The following MBNL2 variants were observed in gnomAD, a reference collection of about 807,000 sequenced individuals.
The protein encoded by MBNL2 is muscleblind like splicing regulator 2.
A neutral mutation model predicts 41.9 loss-of-function variants in MBNL2; 17 were observed. The ratio of observed to expected loss-of-function variants is 0.41; its 90% CI spans 0.28 to 0.61. The LOEUF is 0.61. Among genes scored for constraint, MBNL2 ranks in the 20% least tolerant of loss-of-function variants. The pLI is 0.35. For missense variants in MBNL2, 336 were observed against 505.6 expected (o/e 0.66, Z 3.22); for synonymous variants, 195 against 182.9 (o/e 1.07, Z -0.53).
chr13:97,314,920 T>C (rs1281543947), intron 2 of MBNL2, among the ~76,000 whole-genome samples: 1 of 152,166 alleles, frequency 6.6e-6, no homozygotes, highest in Admixed American at 6.5e-5. Context: ...ATATGTAAAA[T>C]AGAATGATAT....
At chr13:97,238,110 G>C (rs745459080) in intron 1 of MBNL2, among the ~76,000 whole-genome samples, 3 of 152,222 alleles carry the variant, frequency 2.0e-5, no homozygotes, top group Non-Finnish European at 4.4e-5. Context: ...ATCATTAAGA[G>C]TTTGAAGTCG....
At chr13:97,318,697 C>T (rs1331346120) in intron 2 of MBNL2, among the ~76,000 whole-genome samples, 1 of 152,204 alleles carries the variant, frequency 6.6e-6, no homozygotes, top group African/African-American at 2.4e-5. Context: ...CCAGCAGTGA[C>T]AGATGAAGAA....
At chr13:97,384,824 T>A (rs1300523649) in intron 8 of MBNL2, among the ~76,000 whole-genome samples, 1 of 152,194 alleles carries the variant, frequency 6.6e-6, no homozygotes, top group Admixed American at 6.5e-5. Context: ...AAAAGATTTC[T>A]AAGAAACCTA....
At chr13:97,155,392 TTA>T in the MBNL2 span, among the ~76,000 whole-genome samples, 3 of 151,074 alleles carry the variant, frequency 2.0e-5, no homozygotes, top group African/African-American at 4.9e-5. Context: ...TTTTTTTTTT[TTA>T]TTTTTTTTTT....
intron 2 of MBNL2, among the ~76,000 whole-genome samples, chr13:97,307,371 A>G (rs1003840592): frequency 6.6e-6 from 1 of 151,640 alleles, no homozygotes; most frequent in East Asian, 1.9e-4. Context: ...AAAGAGATGT[A>G]TATTTTTCTT....
intron 3 of MBNL2, 31 bp from the exon 4 acceptor site, chr13:97,342,985 C>T (rs368748136): frequency 1.5e-6 from 2 of 1,373,904 alleles, no homozygotes; most frequent in Admixed American, 1.7e-5. Context: ...TTCTAAATAA[C>T]TCTTTCTCCT....
rs1260437286 is a variant in MBNL2, at chr13:97,394,060, GTA to G, written c.*2612_*2613del. ...TTTGTATCAATACTATGTTTTGGTT[GTA>G]ATATTCAGTTCACTCACCCAATGTA... On this transcript the variant is annotated 3_prime_UTR_variant, in exon 9 of 9. Transcript: ENST00000679496. 3.3e-5 allele frequency: 5 copies of G among 152,538 alleles called. No individual in the cohort carries two copies. The highest frequency in any genetic ancestry group is 1.2e-4 in the African/African-American group (5 of 41,426). 9.4% of individuals were successfully genotyped at this position (152,538 alleles called of 1,614,324 possible).
chr13:97,180,916 CT>C, the MBNL2 span, among the ~76,000 whole-genome samples: 1 of 152,126 alleles, frequency 6.6e-6, no homozygotes, highest in East Asian at 1.9e-4. Flanking sequence ...TAAAATCAAT[CT>C]GTTAGCAGAG....
At chr13:97,193,465 ATGT>A in the MBNL2 span, among the ~76,000 whole-genome samples, 1 of 152,186 alleles carries the variant, frequency 6.6e-6, no homozygotes, top group Non-Finnish European at 1.5e-5. Context: ...GTATTATACA[ATGT>A]ATGGGTTAAG....
chr13:97,382,792 C>T (rs1260255824), intron 8 of MBNL2, among the ~76,000 whole-genome samples: 2 of 151,926 alleles, frequency 1.3e-5, no homozygotes, highest in African/African-American at 4.8e-5. Context: ...AGTGATTCTC[C>T]TGCCTTAGCC....
chr13:97,171,606 C>T, the MBNL2 span, among the ~76,000 whole-genome samples: 2 of 152,184 alleles, frequency 1.3e-5, no homozygotes, highest in Non-Finnish European at 2.9e-5. Context: ...TATATGCCAT[C>T]TGCCTACAGG....
chr13:97,349,186 A>AT (rs66944994), intron 5 of MBNL2, among the ~76,000 whole-genome samples: 51,085 of 151,990 alleles, frequency 0.34, 11,996 homozygotes, highest in African/African-American at 0.67. Flanking sequence ...GTGGAGATGT[A>AT]TGTATCCACA....
At position 97,339,875 on chromosome 13, in the gene MBNL2, G is replaced by GT. The variant is rs567128737; in HGVS notation, c.340-3141_340-3140insT. ...ACGGGCAACTGATTTGTGTGTGGGCGGGGGGGGCGTTGTTTTTCCTCTTTT... is the reference window on the plus strand; with the variant it reads ...ACGGGCAACTGATTTGTGTGTGGGCGTGGGGGGGCGTTGTTTTTCCTCTTTT... On this transcript the variant is annotated intron_variant, in intron 3 of 8. Transcript: ENST00000679496. Among the ~76,000 whole-genome samples the GT allele has an allele frequency of 2.2e-3, 282 of 125,542 alleles. 9 individuals are homozygous for GT. The highest frequency in any genetic ancestry group is 6.6e-3 in the African/African-American group (203 of 30,962). 82.4% of individuals were successfully genotyped at this position (125,542 alleles called of 152,430 possible).
At chr13:97,206,803 T>C in the MBNL2 span, among the ~76,000 whole-genome samples, 1 of 152,180 alleles carries the variant, frequency 6.6e-6, no homozygotes. Flanking sequence ...AATAGTGTAA[T>C]ACTATGCCAA....
At chr13:97,281,687 T>A (rs770201211) in intron 2 of MBNL2, among the ~76,000 whole-genome samples, 1 of 152,244 alleles carries the variant, frequency 6.6e-6, no homozygotes, top group Non-Finnish European at 1.5e-5. Context: ...TTGGCCTGAT[T>A]TGCAAATATA....
At chr13:97,224,221 G>A (rs1333358021) in intron 1 of MBNL2, among the ~76,000 whole-genome samples, 1 of 152,186 alleles carries the variant, frequency 6.6e-6, no homozygotes, top group African/African-American at 2.4e-5. Context: ...CCTATTCCCA[G>A]TTGCTCCAGA....
At chr13:97,287,821 G>A (rs1169500995) in intron 2 of MBNL2, among the ~76,000 whole-genome samples, 3 of 148,560 alleles carry the variant, frequency 2.0e-5, no homozygotes, top group Non-Finnish European at 4.5e-5. Flanking sequence ...CGCCTCCTGG[G>A]TTCAAGTGAT....
intron 1 of MBNL2, among the ~76,000 whole-genome samples, chr13:97,250,189 G>T (rs1181833432): frequency 1.3e-5 from 2 of 152,090 alleles, no homozygotes; most frequent in African/African-American, 2.4e-5. Flanking sequence ...TCTGCCAATA[G>T]TTCTCTGAGC....
intron 2 of MBNL2, among the ~76,000 whole-genome samples, chr13:97,299,009 T>C (rs1408142997): frequency 1.3e-5 from 2 of 152,194 alleles, no homozygotes; most frequent in African/African-American, 4.8e-5. Context: ...GAATAGCTTG[T>C]AGTGTACTTG....
Sources: gnomAD v4.1 joint callset for allele counts (sites outside exome capture counted in the v4.1 genomes callset) on GRCh38, gnomAD v4.1.1 for gene constraint, MANE v1.5 for transcripts, NCBI Gene and HGNC (gene_info 2026-07-23, HGNC 2026-07-21) for gene names.